Variants in CCDC102B observed in about 807,000 individuals in gnomAD.
CCDC102B encodes the protein coiled-coil domain-containing protein 102B.
Under a neutral mutation model 57.4 loss-of-function variants are expected in CCDC102B, and 75 were observed. The observed-to-expected ratio is 1.31, with a 90% CI of 1.08 to 1.58. The LOEUF (loss-of-function observed/expected upper bound fraction) is 1.58. Ranked by LOEUF, CCDC102B falls within the 40% of genes most tolerant of loss-of-function variation. The pLI, the probability that CCDC102B is intolerant of heterozygous loss-of-function variation, is 0.00. For missense variants in CCDC102B, 636 were observed against 582.6 expected, an observed-to-expected ratio of 1.09 and a Z score of -0.94; for synonymous variants, 206 against 201.9, an observed-to-expected ratio of 1.02 and a Z score of -0.17.
At chr18:68,888,230 G>A (rs2039956601) in intron 5 of CCDC102B, among the ~76,000 whole-genome samples, 1 of 152,098 alleles carries the variant, frequency 6.6e-6, no homozygotes. Context: ...AATACATAAT[G>A]AATGAGCACA....
chr18:69,001,340 TG>T (rs2051195702), intron 6 of CCDC102B, among the ~76,000 whole-genome samples: 1 of 152,182 alleles, frequency 6.6e-6, no homozygotes. Context: ...TGTTTGCTGT[TG>T]TTTCTTTCTG....
chr18:69,002,000 G>A (rs1019177626), intron 6 of CCDC102B, among the ~76,000 whole-genome samples: 1 of 152,056 alleles, frequency 6.6e-6, no homozygotes, highest in Non-Finnish European at 1.5e-5. Context: ...AATTTATTTA[G>A]TAAGTATGTT....
intron 2 of CCDC102B, among the ~76,000 whole-genome samples, chr18:68,748,831 G>A (rs572479258): frequency 6.6e-6 from 1 of 152,280 alleles, no homozygotes; most frequent in East Asian, 1.9e-4. Flanking sequence ...ACCCAGAATA[G>A]TGGATTTGAC....
intron 2 of CCDC102B, among the ~76,000 whole-genome samples, chr18:68,728,758 A>G (rs1324977332): frequency 6.6e-6 from 1 of 152,214 alleles, no homozygotes; most frequent in East Asian, 1.9e-4. Context: ...GACAAAAAAA[A>G]TAGAAGAATT....
chr18:68,850,443 G>GAT (rs1485365480), intron 4 of CCDC102B, among the ~76,000 whole-genome samples: 1 of 151,942 alleles, frequency 6.6e-6, no homozygotes, highest in Non-Finnish European at 1.5e-5. Context: ...TGTTTCTCAA[G>GAT]ATATATATTT....
rs75828338 is a variant in CCDC102B at position 68,929,843 on chromosome 18, C to CATAT, written c.1263+32422_1263+32425dup. Among the ~76,000 whole-genome samples, 4 of 151,490 alleles carry CATAT rather than the reference C, an allele frequency of 2.6e-5. No homozygotes were observed. The East Asian group carries it at 5.8e-4, about 22-fold the overall frequency. ...TATGTATATAATACACACACACACA[C>CATAT]ATATATATATGCCTGTATGCATTTT... On this transcript the variant is annotated intron_variant, in intron 6 of 7. Coordinates refer to ENST00000360242, the MANE Select transcript of CCDC102B (RefSeq NM_024781.3).
At chr18:68,869,836 A>AT (rs770688059) in intron 4 of CCDC102B, among the ~76,000 whole-genome samples, 88 of 149,852 alleles carry the variant, frequency 5.9e-4, no homozygotes, top group Middle Eastern at 3.5e-3. Context: ...GTTTTCTTCT[A>AT]TTTTTTTTTA....
chr18:68,848,713 T>G (rs1489441139), intron 4 of CCDC102B, among the ~76,000 whole-genome samples: 1 of 152,038 alleles, frequency 6.6e-6, no homozygotes, highest in African/African-American at 2.4e-5. Flanking sequence ...AGAATTAAAT[T>G]ATGAATTCTG....
At chr18:68,968,283 G>A (rs192008900) in intron 6 of CCDC102B, among the ~76,000 whole-genome samples, 1 of 152,056 alleles carries the variant, frequency 6.6e-6, no homozygotes, top group Non-Finnish European at 1.5e-5. Flanking sequence ...TAAAGCACTG[G>A]TTTTTTCCAT....
chr18:68,861,850 T>G (rs1329219766), intron 4 of CCDC102B, among the ~76,000 whole-genome samples: 1 of 152,158 alleles, frequency 6.6e-6, no homozygotes, highest in Non-Finnish European at 1.5e-5. Flanking sequence ...TTGTTGTGAT[T>G]CATTATCTGA....
chr18:68,796,431 A>C (rs72958031), upstream of CCDC102B, among the ~76,000 whole-genome samples: 20,777 of 152,088 alleles, frequency 0.14, 1,645 homozygotes, highest in East Asian at 0.34. Flanking sequence ...ATATCTGTGT[A>C]ATTTTCTAGT....
intron 2 of CCDC102B, among the ~76,000 whole-genome samples, chr18:68,719,207 T>G (rs532001365): frequency 6.6e-5 from 10 of 152,340 alleles, no homozygotes; most frequent in Admixed American, 4.6e-4. Flanking sequence ...TTAAAATATG[T>G]GCTACCAATC....
At chr18:69,045,015 G>A (rs2052525119) in intron 7 of CCDC102B, among the ~76,000 whole-genome samples, 1 of 151,976 alleles carries the variant, frequency 6.6e-6, no homozygotes, top group African/African-American at 2.4e-5. Flanking sequence ...ACCTTTTCTT[G>A]TTGTGTGTGC....
At chr18:68,829,755 T>A (rs1024249003) in intron 1 of CCDC102B, among the ~76,000 whole-genome samples, 1 of 152,004 alleles carries the variant, frequency 6.6e-6, no homozygotes, top group East Asian at 1.9e-4. Flanking sequence ...AGTGTGAATA[T>A]GGTAAACGGT....
Position 69,054,674 on chromosome 18 carries a change from G to T in CCDC102B, c.*537G>T. ...TCATTTCTAATCTTTGTATAAAACA[G>T]AAGTGAGCAGATGAATCAGAAAAAA... On this transcript the variant is annotated 3_prime_UTR_variant, in exon 8 of 8. Transcript: ENST00000360242. 1 of 981,468 alleles carries T rather than the reference G, an allele frequency of 1.0e-6. No homozygotes were observed. Among genetic ancestry groups the T allele is most frequent in the Non-Finnish European group, 1.2e-6 (1 of 826,406 alleles). The allele number at this position is 981,468 out of a possible 1,614,324, so 60.8% of individuals were successfully genotyped here. A position where few individuals can be genotyped will look rare whatever the true frequency, so the allele number is the denominator to read the frequency against.
chr18:69,038,028 A>G (rs1026111683), intron 7 of CCDC102B, among the ~76,000 whole-genome samples: 6 of 152,088 alleles, frequency 3.9e-5, no homozygotes, highest in Non-Finnish European at 7.4e-5. Context: ...ACAGATTTAT[A>G]AAATATCAGA....
chr18:68,788,573 C>A lies in CCDC102B; in HGVS notation c.-66-34793C>A, dbSNP rs1283050958. Among the ~76,000 whole-genome samples the A allele has an allele frequency of 3.3e-5, 5 of 150,462 alleles. No individual in the cohort carries two copies. In the East Asian group the frequency reaches 9.8e-4, roughly 29 times the overall value. On this transcript the variant is annotated intron_variant, in intron 2 of 3. Coordinates refer to the CCDC102B transcript ENST00000578970. The stretch of plus-strand genomic sequence containing the variant: ...TCTTCTTGTTGAATTGATCCCTTTA[C>A]CATTATGTAATGGCCTTCTTTGTCT...
chr18:68,830,028 A>G (rs1257530718), intron 1 of CCDC102B, among the ~76,000 whole-genome samples: 1 of 151,908 alleles, frequency 6.6e-6, no homozygotes, highest in Middle Eastern at 3.2e-3. Context: ...TATTTCATAG[A>G]GTGATTTGCT....
chr18:68,958,001 CAGT>C (rs2049948073), intron 6 of CCDC102B, among the ~76,000 whole-genome samples: 1 of 152,206 alleles, frequency 6.6e-6, no homozygotes, highest in Non-Finnish European at 1.5e-5. Flanking sequence ...AATGGACTTA[CAGT>C]TCCACGTGGC....
Sources: gnomAD v4.1 joint callset for allele counts (sites outside exome capture counted in the v4.1 genomes callset) on GRCh38, gnomAD v4.1.1 for gene constraint, MANE v1.5 for transcripts, NCBI Gene and HGNC (gene_info 2026-07-23, HGNC 2026-07-21) for gene names.